Variants in ELP3 observed in about 807,000 individuals in gnomAD.
The protein encoded by ELP3 is elongator complex protein 3.
In ELP3, 56 loss-of-function variants were observed where a neutral mutation model predicts 74.9. The observed-to-expected ratio is 0.75, with a 90% CI of 0.60 to 0.93. The LOEUF (loss-of-function observed/expected upper bound fraction) is 0.93. Among genes scored for constraint, ELP3 ranks in the 40% least tolerant of loss-of-function variants. The probability of loss-of-function intolerance (pLI) is 0.00; values close to 1 mark genes in which losing one functional copy is unlikely to be tolerated. For synonymous variants in ELP3, 222 were observed against 239.8 expected, an observed-to-expected ratio of 0.93 and a Z score of 0.68; for missense variants, 573 against 686.5, an observed-to-expected ratio of 0.83 and a Z score of 1.85.
chr8:28,129,629 A>G lies in ELP3; in HGVS notation c.745A>G (p.Ser249Gly), dbSNP rs779454906. The change falls in exon 8 of 15, where the codon AGT becomes GGT. Residue 249 changes from serine (S) to glycine (G), a missense_variant. Coordinates refer to ENST00000256398, the MANE Select transcript of ELP3 (RefSeq NM_018091.6). Reference protein sequence around the residue: ...GCTRLEIGVQSVYEDVARDTN... With the variant: ...GCTRLEIGVQGVYEDVARDTN... ...CACAAGGCTGGAGATTGGGGTGCAG[A>G]GTGTTTATGAAGATGTGGCTAGAGA... 1 of 1,614,056 alleles carries G rather than the reference A, an allele frequency of 6.2e-7. No homozygotes were observed. The highest frequency in any genetic ancestry group is 1.3e-5 in the African/African-American group (1 of 74,930).
At position 28,137,761 on chromosome 8, in the gene ELP3, C is replaced by T. The variant is rs749474343; in HGVS notation, c.970C>T (p.Arg324Cys). The change falls in exon 10 of 15, where the codon CGT (arginine) becomes TGT (cysteine). Residue 324 changes from arginine (R) to cysteine (C), a missense_variant. Arg to Cys is a radical substitution (Grantham distance 180). Transcript: ENST00000256398. The stretch of plus-strand genomic sequence containing the variant: ...GAAACTCTATCCTACCCTGGTGATT[C>T]GTGGGACCGGGCTTTATGAGCTTTG... The part of the protein sequence containing the change: ...GLKLYPTLVI[R>C]GTGLYELWKS... The T allele has an allele frequency of 8.1e-6, 13 of 1,614,072 alleles. No homozygotes were observed. The Admixed American group carries it at 1.7e-4, about 21-fold the overall frequency.
At chr8:28,186,898 C>A (rs1815260591) in intron 14 of ELP3, among the ~76,000 whole-genome samples, 1 of 152,160 alleles carries the variant, frequency 6.6e-6, no homozygotes, top group Admixed American at 6.5e-5. Context: ...TCAGAGGAGA[C>A]AAATACCTAA....
At chr8:28,186,960 G>A (rs1815263342) in intron 14 of ELP3, among the ~76,000 whole-genome samples, 1 of 152,084 alleles carries the variant, frequency 6.6e-6, no homozygotes, top group African/African-American at 2.4e-5. Flanking sequence ...TCCAAAATCA[G>A]AGTCTTCAGC....
At chr8:28,143,862 G>A (rs1813335514) in intron 10 of ELP3, among the ~76,000 whole-genome samples, 1 of 152,096 alleles carries the variant, frequency 6.6e-6, no homozygotes, top group Non-Finnish European at 1.5e-5. Flanking sequence ...GGAACAAGGG[G>A]AAAATAAATA....
intron 7 of ELP3, among the ~76,000 whole-genome samples, chr8:28,114,080 A>T (rs1386987560): frequency 6.6e-6 from 1 of 151,916 alleles, no homozygotes; most frequent in Non-Finnish European, 1.5e-5. Flanking sequence ...TGTTCTCAGG[A>T]GTTGCAGGAA....
chr8:28,184,856 G>T (rs111992245), intron 14 of ELP3, among the ~76,000 whole-genome samples: 2 of 152,078 alleles, frequency 1.3e-5, no homozygotes, highest in Non-Finnish European at 2.9e-5. Context: ...CTAAGTTCAC[G>T]TGAGTAGAAA....
chr8:28,168,405 A>G (rs1453140879), intron 14 of ELP3, among the ~76,000 whole-genome samples: 5 of 152,188 alleles, frequency 3.3e-5, no homozygotes, highest in Non-Finnish European at 7.3e-5. Context: ...GCATGTTGAG[A>G]TCTTGAAGTC....
At chr8:28,098,177 A>G (rs1007840731) in intron 2 of ELP3, among the ~76,000 whole-genome samples, 3 of 152,006 alleles carry the variant, frequency 2.0e-5, no homozygotes, top group Non-Finnish European at 2.9e-5. Context: ...AGTCTCAAAT[A>G]AGAGTTGTCT....
chr8:28,135,161 C>T (rs1479036918), intron 9 of ELP3, among the ~76,000 whole-genome samples: 1 of 152,118 alleles, frequency 6.6e-6, no homozygotes, highest in Non-Finnish European at 1.5e-5. Context: ...AACTTCTGAC[C>T]TCGTGATCCG....
chr8:28,118,485 CT>C (rs1273919440), intron 7 of ELP3, among the ~76,000 whole-genome samples: 2 of 152,170 alleles, frequency 1.3e-5, no homozygotes, highest in Non-Finnish European at 2.9e-5. Flanking sequence ...ACAGGTATGG[CT>C]TTTGTGAAGG....
upstream of ELP3, among the ~76,000 whole-genome samples, chr8:28,091,455 G>A (rs1262272913): frequency 6.6e-6 from 1 of 152,230 alleles, no homozygotes; most frequent in Admixed American, 6.5e-5. Flanking sequence ...GGATGACAAT[G>A]AGGTCAGACA....
intron 14 of ELP3, among the ~76,000 whole-genome samples, chr8:28,162,565 T>G (rs1220374087): frequency 2.0e-5 from 3 of 152,314 alleles, no homozygotes; most frequent in East Asian, 1.9e-4. Flanking sequence ...TTCCCCTGTT[T>G]GGGAGTAAAA....
intron 10 of ELP3, among the ~76,000 whole-genome samples, chr8:28,146,983 A>G (rs926756277): frequency 4.6e-5 from 7 of 152,196 alleles, no homozygotes; most frequent in African/African-American, 1.7e-4. Context: ...CTTCAAGGAT[A>G]TGTGACCCAT....
At chr8:28,129,106 G>A (rs1031718069) in intron 7 of ELP3, among the ~76,000 whole-genome samples, 5 of 151,908 alleles carry the variant, frequency 3.3e-5, no homozygotes, top group African/African-American at 1.2e-4. Context: ...TTTCACTTAT[G>A]TGAAAAATGG....
At chr8:28,151,630 A>G (rs925734091) in intron 10 of ELP3, among the ~76,000 whole-genome samples, 1 of 152,188 alleles carries the variant, frequency 6.6e-6, no homozygotes, top group Non-Finnish European at 1.5e-5. Context: ...TCTTTCAGTG[A>G]GCCTATGCCC....
chr8:28,156,111 A>T, intron 11 of ELP3, 79 bp downstream of exon 11: 1 of 1,133,140 alleles, frequency 8.8e-7, no homozygotes. Flanking sequence ...TGCCACTACC[A>T]CCCCTAAAAC....
chr8:28,176,107 G>A (rs1814741612), intron 14 of ELP3, among the ~76,000 whole-genome samples: 1 of 152,092 alleles, frequency 6.6e-6, no homozygotes, highest in Admixed American at 6.5e-5. Flanking sequence ...ATGAGCCACT[G>A]CACCCGGCCC....
intron 14 of ELP3, among the ~76,000 whole-genome samples, chr8:28,183,418 T>A (rs939947979): frequency 6.6e-6 from 1 of 152,118 alleles, no homozygotes; most frequent in Admixed American, 6.5e-5. Flanking sequence ...GTGTTTGGAC[T>A]CCCCCAACTC....
intron 7 of ELP3, among the ~76,000 whole-genome samples, chr8:28,115,438 A>C (rs1385407648): frequency 6.6e-6 from 1 of 152,204 alleles, no homozygotes; most frequent in Non-Finnish European, 1.5e-5. Flanking sequence ...ATGCATAGAA[A>C]AGGTGGCAGA....
Sources: allele counts gnomAD v4.1 joint callset (sites outside exome capture counted in the v4.1 genomes callset), GRCh38; gene constraint gnomAD v4.1.1; transcripts MANE v1.5; gene names NCBI Gene and HGNC (gene_info 2026-07-23, HGNC 2026-07-21).